The following ZNF462 variants were observed in gnomAD, a reference collection of about 807,000 sequenced individuals.
The protein encoded by ZNF462 is zinc finger PBX1-interacting protein.
A neutral mutation model predicts 201.9 loss-of-function variants in ZNF462; 10 were observed. The ratio of observed to expected loss-of-function variants is 0.05; its 90% CI spans 0.03 to 0.08. ZNF462 has a LOEUF of 0.08. Among genes scored for constraint, ZNF462 ranks in the 10% least tolerant of loss-of-function variants. The pLI is 1.00. For missense variants in ZNF462, 2,523 were observed against 3,168.3 expected (o/e 0.80, Z 4.89); for synonymous variants, 1,227 against 1,193.3 (o/e 1.03, Z -0.58).
At chr9:106,903,643 C>T (rs1829150487) in intron 1 of ZNF462, among the ~76,000 whole-genome samples, 1 of 152,128 alleles carries the variant, frequency 6.6e-6, no homozygotes, top group Non-Finnish European at 1.5e-5. Context: ...GTGATATTTT[C>T]CTGTTAGACA....
Position 106,935,100 on chromosome 9 carries a change from C to T in ZNF462, c.6117-403C>T, listed in dbSNP as rs1830577693. Among the ~76,000 whole-genome samples, 1 of 152,166 alleles carries T rather than the reference C, an allele frequency of 6.6e-6. No homozygotes were observed. Among genetic ancestry groups the T allele is most frequent in the African/African-American group, 2.4e-5 (1 of 41,434 alleles). ...TCAAATGCTAAATTTCTCTAATTCCCATTCTGTTATTTGAATAAGTTAGAG... is the reference window on the plus strand; with the variant it reads ...TCAAATGCTAAATTTCTCTAATTCCTATTCTGTTATTTGAATAAGTTAGAG... On this transcript the variant is annotated intron_variant, in intron 5 of 12. Coordinates refer to ENST00000277225, the MANE Select transcript of ZNF462 (RefSeq NM_021224.6). The surrounding 1 kb of genome is among the most constrained non-coding windows in gnomAD (Gnocchi z 4.1).
chr9:106,879,048 A>G (rs1827965833), intron 1 of ZNF462, among the ~76,000 whole-genome samples: 1 of 152,190 alleles, frequency 6.6e-6, no homozygotes, highest in African/African-American at 2.4e-5. Flanking sequence ...GGTTAGGTCA[A>G]GTATTGCATG....
intron 1 of ZNF462, among the ~76,000 whole-genome samples, chr9:106,894,710 G>C (rs1054148609): frequency 6.6e-6 from 1 of 152,164 alleles, no homozygotes; most frequent in Non-Finnish European, 1.5e-5. Flanking sequence ...ACTTGAAACA[G>C]TGAAACAGCC....
intron 10 of ZNF462, among the ~76,000 whole-genome samples, chr9:106,985,582 T>G (rs1303366938): frequency 6.6e-6 from 1 of 152,198 alleles, no homozygotes. Flanking sequence ...ATCAAAATGC[T>G]TTTTAATTAG....
rs747480866 is a variant in ZNF462, at chr9:106,924,441, A to T, written c.529A>T (p.Ile177Leu). 1.9e-5 allele frequency: 31 copies of T among 1,614,220 alleles called. No individual in the cohort carries two copies. The Admixed American group carries it at 4.3e-4, about 23-fold the overall frequency. The part of the protein sequence containing the change: ...CTYKSPRRAR[I>L]IKHQKMYHKN... ...ATACAAGTCACCAAGAAGGGCAAGA[A>T]TAATTAAGCATCAGAAGATGTATCA... The change falls in exon 3 of 13, where the codon ATA becomes TTA. Residue 177 changes from isoleucine to leucine, a missense_variant. Around this residue, in one of 15 missense-constraint regions of ZNF462, gnomAD observed 480 missense variants for 544.4 expected, o/e 0.88. Coordinates refer to ENST00000277225, the MANE Select transcript of ZNF462 (RefSeq NM_021224.6). The surrounding 1 kb of genome is among the most constrained non-coding windows in gnomAD (Gnocchi z 6.2).
At chr9:106,991,285 T>C (rs1828252471) in intron 10 of ZNF462, among the ~76,000 whole-genome samples, 1 of 151,904 alleles carries the variant, frequency 6.6e-6, no homozygotes, top group Non-Finnish European at 1.5e-5. Flanking sequence ...GAAAATGAAA[T>C]TTTAAGAAGA....
rs1320501750 is a variant in ZNF462, at chr9:106,928,866, T to G, written c.4954T>G (p.Ser1652Ala). The change falls in exon 3 of 13, where the codon TCC (serine) becomes GCC (alanine). Residue 1652 changes from serine to alanine, a missense_variant. Ser to Ala is a moderately conservative substitution (Grantham distance 99). Around this residue, in one of 15 missense-constraint regions of ZNF462, gnomAD observed 200 missense variants for 281.3 expected, o/e 0.71. Coordinates refer to ENST00000277225, the MANE Select transcript of ZNF462 (RefSeq NM_021224.6). This position sits in a 1 kb window ranked among gnomAD's most constrained non-coding sequence, Gnocchi z 9.3. ...EPVSTSHFST[S>A]HLVSHTVFRC... is the part of the protein sequence containing the mutation. Reference sequence around the variant, plus strand: ...CGTGTCCACTTCTCACTTCTCTACCTCCCACCTGGTCTCCCACACTGTGTT... The same window carrying G: ...CGTGTCCACTTCTCACTTCTCTACCGCCCACCTGGTCTCCCACACTGTGTT... The G allele has an allele frequency of 1.2e-6, 2 of 1,613,824 alleles. No individual in the cohort carries two copies. Among genetic ancestry groups the G allele is most frequent in the Non-Finnish European group, 1.7e-6 (2 of 1,180,000 alleles).
rs545795783 is a variant in ZNF462, at chr9:106,966,814, A to G, written c.6428-5191A>G. ...TCCTTGTCTTTTATTTTTTCTTGGT[A>G]CTTGATTCACACTGACCAACAAGCC... On this transcript the variant is annotated intron_variant, in intron 7 of 12. Coordinates refer to ENST00000277225, the MANE Select transcript of ZNF462 (RefSeq NM_021224.6). This position sits in a 1 kb window ranked among gnomAD's most constrained non-coding sequence, Gnocchi z 4.4. Among the ~76,000 whole-genome samples, 8 of 152,196 alleles carry G rather than the reference A, an allele frequency of 5.3e-5. No homozygotes were observed. The East Asian group carries it at 7.7e-4, about 15-fold the overall frequency.
intron 1 of ZNF462, among the ~76,000 whole-genome samples, chr9:106,891,946 T>A (rs957909193): frequency 6.6e-6 from 1 of 152,236 alleles, no homozygotes; most frequent in Non-Finnish European, 1.5e-5. Flanking sequence ...AGAACCATTT[T>A]CCTTTCAGGA....
rs1378733548 is a variant in ZNF462, at chr9:106,902,760, A to G, written c.-30-20594A>G. ...GATCTTTTTGTATTTCTGTGGTATC[A>G]GATGTAATATCACCTGTTTTGTTTC... On this transcript the variant is annotated intron_variant, in intron 1 of 12. Transcript: ENST00000277225. This position sits in a 1 kb window ranked among gnomAD's most constrained non-coding sequence, Gnocchi z 4.2. 6.6e-6 allele frequency among the ~76,000 whole-genome samples: 1 copy of G among 152,080 alleles called. No individual in the cohort carries two copies. Among genetic ancestry groups the G allele is most frequent in the Non-Finnish European group, 1.5e-5 (1 of 68,002 alleles).
rs1471116009 is a variant in ZNF462, at chr9:106,984,805, G to C, written c.7056+396G>C. 2.6e-5 allele frequency among the ~76,000 whole-genome samples: 4 copies of C among 152,174 alleles called. No individual in the cohort carries two copies. The highest frequency in any genetic ancestry group is 4.4e-5 in the Non-Finnish European group (3 of 68,034). ...AATGTTAATACATTTTAAATGACAG[G>C]GTTTGGCAGTTTCTATAAAGGACCG... On this transcript the variant is annotated intron_variant, in intron 10 of 12. Transcript: ENST00000277225. The surrounding 1 kb of genome is among the most constrained non-coding windows in gnomAD (Gnocchi z 6.4).
At position 106,968,981 on chromosome 9, in the gene ZNF462, T is replaced by C. The variant is rs1241468983; in HGVS notation, c.6428-3024T>C. Among the ~76,000 whole-genome samples, 1 of 152,182 alleles carries C rather than the reference T, an allele frequency of 6.6e-6. No individual in the cohort carries two copies. Among genetic ancestry groups the C allele is most frequent in the Non-Finnish European group, 1.5e-5 (1 of 68,030 alleles). On this transcript the variant is annotated intron_variant, in intron 7 of 12. Coordinates refer to ENST00000277225, the MANE Select transcript of ZNF462 (RefSeq NM_021224.6). This position sits in a 1 kb window ranked among gnomAD's most constrained non-coding sequence, Gnocchi z 4.0. ...ATTTTATGTAGCTTAGCAAGTGGGCTTTTTAAAGATCGGTGGAATGATACA... is the reference window on the plus strand; with the variant it reads ...ATTTTATGTAGCTTAGCAAGTGGGCCTTTTAAAGATCGGTGGAATGATACA...
At position 106,926,803 on chromosome 9, in the gene ZNF462, T is replaced by C; in HGVS notation, c.2891T>C (p.Val964Ala). Residue 964 changes from valine (V) to alanine (A), a missense_variant, in exon 3 of 13, where the codon GTG (valine) becomes GCG (alanine). Transcript: ENST00000277225. This position sits in a 1 kb window ranked among gnomAD's most constrained non-coding sequence, Gnocchi z 7.9. ...GCGATGATATTTTCAAGCTATGTCG[T>C]GGAGCAGCAGGAAGGGCTGAATACA... is the stretch of plus-strand genomic sequence containing the variant. ...NNAMIFSSYV[V>A]EQQEGLNTES... The C allele has an allele frequency of 6.2e-7, 1 of 1,614,132 alleles. No individual in the cohort carries two copies. The highest frequency in any genetic ancestry group is 8.5e-7 in the Non-Finnish European group (1 of 1,180,036).
intron 6 of ZNF462, among the ~76,000 whole-genome samples, chr9:106,936,621 G>A (rs1408490901): frequency 6.6e-6 from 1 of 152,134 alleles, no homozygotes; most frequent in Admixed American, 6.6e-5. Context: ...CTGTCTCTGG[G>A]AAATTTCTAC....
chr9:106,864,041 T>G (rs191557899), intron 1 of ZNF462, among the ~76,000 whole-genome samples: 4,313 of 23,942 alleles, frequency 0.18, 85 homozygotes, highest in African/African-American at 0.27. Context: ...GGTATTTGGC[T>G]CTCTCTCTCT....
intron 1 of ZNF462, among the ~76,000 whole-genome samples, chr9:106,877,007 C>CTA (rs773077116): frequency 2.6e-5 from 4 of 152,132 alleles, no homozygotes; most frequent in Non-Finnish European, 5.9e-5. Flanking sequence ...TACTAATGTA[C>CTA]TATAATATCA....
At chr9:106,903,741 AC>A (rs906400240) in intron 1 of ZNF462, among the ~76,000 whole-genome samples, 1 of 152,090 alleles carries the variant, frequency 6.6e-6, no homozygotes, top group African/African-American at 2.4e-5. Context: ...AAGAATAGTT[AC>A]CCCTGCTCAC....
chr9:106,942,797 A>T (rs573278932), intron 7 of ZNF462, among the ~76,000 whole-genome samples: 1 of 152,218 alleles, frequency 6.6e-6, no homozygotes, highest in Non-Finnish European at 1.5e-5. Context: ...TACACAGGAC[A>T]TGGGCAATGG....
rs1827202996 is a variant in ZNF462 at position 106,864,090 on chromosome 9, CTCTCTCTCTCTCT to C, written c.-31+736_-31+748del. On this transcript the variant is annotated intron_variant, in intron 1 of 12. Coordinates refer to ENST00000277225, the MANE Select transcript of ZNF462 (RefSeq NM_021224.6). The stretch of plus-strand genomic sequence containing the variant: ...TCTCTCTCTCTCTCTCTCTCTCTCT[CTCTCTCTCTCTCT>C]CTCTCTCCCTCTCCCCGAAGTTGGG... Among the ~76,000 whole-genome samples, 10 of 132,044 alleles carry C rather than the reference CTCTCTCTCTCTCT, an allele frequency of 7.6e-5. No individual in the cohort carries two copies. In the South Asian group the frequency reaches 2.1e-3, roughly 27 times the overall value. 86.6% of individuals were successfully genotyped at this position (132,044 alleles called of 152,430 possible). A position where few individuals can be genotyped will look rare whatever the true frequency, so the allele number is the denominator to read the frequency against.
Sources: allele counts gnomAD v4.1 joint callset (sites outside exome capture counted in the v4.1 genomes callset), GRCh38; gene constraint gnomAD v4.1.1; regional missense constraint gnomAD v4.1.1; non-coding constraint Gnocchi (gnomAD v3.1); transcripts MANE v1.5; gene names NCBI Gene and HGNC (gene_info 2026-07-23, HGNC 2026-07-21).